Variants in SNX13 observed in about 807,000 individuals in gnomAD.
SNX13 encodes sorting nexin-13.
A neutral mutation model predicts 133.6 loss-of-function variants in SNX13; 45 were observed. That is an observed-to-expected ratio of 0.34 (90% CI 0.27 to 0.43). The LOEUF (loss-of-function observed/expected upper bound fraction) is 0.43, where lower values mean the gene tolerates loss of function less well. SNX13 is among the 20% of genes least tolerant of loss of function. SNX13 has a pLI of 1.00. For synonymous variants in SNX13, 414 were observed against 373.9 expected (o/e 1.11, Z -1.24); for missense variants, 1,032 against 1,145.1 (o/e 0.90, Z 1.43).
At chr7:17,932,441 T>G (rs80198139) in intron 1 of SNX13, among the ~76,000 whole-genome samples, 1 of 152,224 alleles carries the variant, frequency 6.6e-6, no homozygotes, top group Non-Finnish European at 1.5e-5. Context: ...GGGTAATTAA[T>G]ATGATGGTTT....
intron 9 of SNX13, among the ~76,000 whole-genome samples, chr7:17,858,704 T>C (rs1034970255): frequency 6.6e-6 from 1 of 152,116 alleles, no homozygotes; most frequent in Non-Finnish European, 1.5e-5. Flanking sequence ...ACTCATACTG[T>C]CCCATTTCAA....
chr7:17,936,187 T>C (rs1039345395), intron 1 of SNX13, among the ~76,000 whole-genome samples: 3 of 152,226 alleles, frequency 2.0e-5, no homozygotes, highest in Non-Finnish European at 2.9e-5. Context: ...AAACTAACTA[T>C]GTTAAGTCAT....
intron 9 of SNX13, among the ~76,000 whole-genome samples, chr7:17,864,821 G>A (rs1336887158): frequency 8.4e-6 from 1 of 118,358 alleles, no homozygotes; most frequent in African/African-American, 3.5e-5. Context: ...AGGGAAGGAG[G>A]AAGAGGAAGA....
intron 20 of SNX13, 40 bp downstream of exon 20, chr7:17,814,794 G>A (rs1237909685): frequency 5.7e-6 from 8 of 1,407,184 alleles, no homozygotes; most frequent in Non-Finnish European, 7.5e-6. Context: ...TAAGAAAACA[G>A]ACCTAGAAAG....
chr7:17,874,546 C>A (rs1373975638), intron 7 of SNX13, among the ~76,000 whole-genome samples: 2 of 151,608 alleles, frequency 1.3e-5, no homozygotes, highest in African/African-American at 2.4e-5. Context: ...CTGAATTATA[C>A]AATAAACATA....
At chr7:17,836,054 T>G (rs759358557) in intron 13 of SNX13, among the ~76,000 whole-genome samples, 1 of 151,972 alleles carries the variant, frequency 6.6e-6, no homozygotes, top group African/African-American at 2.4e-5. Context: ...AAGGGTGAAT[T>G]TGAAACATCA....
intron 5 of SNX13, chr7:17,888,810 G>A: frequency 4.4e-6 from 2 of 458,262 alleles, no homozygotes; most frequent in Non-Finnish European, 8.9e-6. Context: ...ACAGAACAGG[G>A]CAGTTATTAT....
intron 5 of SNX13, among the ~76,000 whole-genome samples, chr7:17,886,899 C>T (rs1796060737): frequency 6.6e-6 from 1 of 151,208 alleles, no homozygotes; most frequent in Non-Finnish European, 1.5e-5. Flanking sequence ...CTCTCAATAC[C>T]ACAGAAATGA....
chr7:17,862,517 T>A (rs1372116992), intron 9 of SNX13, among the ~76,000 whole-genome samples: 1 of 152,224 alleles, frequency 6.6e-6, no homozygotes, highest in Non-Finnish European at 1.5e-5. Context: ...CAGTCATTAA[T>A]AAGTATATTT....
chr7:17,813,954 C>CTAAA (rs1019816230), intron 20 of SNX13, among the ~76,000 whole-genome samples: 1 of 151,964 alleles, frequency 6.6e-6, no homozygotes, highest in Admixed American at 6.6e-5. Context: ...AAAAGATGGT[C>CTAAA]TTTTTAGGGG....
chr7:17,834,200 C>T lies in SNX13; in HGVS notation c.1465-16G>A. The T allele has an allele frequency of 6.5e-7, 1 of 1,538,452 alleles. No homozygotes were observed. Among genetic ancestry groups the T allele is most frequent in the Non-Finnish European group, 8.8e-7 (1 of 1,135,224 alleles). ...ATTCATATACCTTGGTGAAATAAAT[C>T]AAGATATTCAACAATTAATACAGGT... On this transcript the variant is annotated splice_polypyrimidine_tract_variant and intron_variant, in intron 14 of 25. Coordinates refer to ENST00000428135, the MANE Select transcript of SNX13 (RefSeq NM_015132.5).
Position 17,830,034 on chromosome 7 carries a change from C to T in SNX13, c.1611G>A (p.Gly537=). The change falls in exon 16 of 26, where the codon GGG becomes GGA. Residue 537 remains glycine (G), a synonymous_variant. Coordinates refer to ENST00000428135, the MANE Select transcript of SNX13 (RefSeq NM_015132.5). Reference sequence around the variant, plus strand: ...CCAAATTTATGCTTCCTGTAGGAGACCCATTAAAAGATTCTGCAGGGGGGA... The same window carrying T: ...CCAAATTTATGCTTCCTGTAGGAGATCCATTAAAAGATTCTGCAGGGGGGA... ...SDDGDGESFN[G]SPTGSINLSL... 6.5e-7 allele frequency: 1 copy of T among 1,533,720 alleles called. No homozygotes were observed. The highest frequency in any genetic ancestry group is 1.2e-5 in the South Asian group (1 of 81,586).
chr7:17,811,897 AAGGATTTT>A (rs1786077483), intron 20 of SNX13, among the ~76,000 whole-genome samples: 1 of 152,180 alleles, frequency 6.6e-6, no homozygotes, highest in African/African-American at 2.4e-5. Flanking sequence ...GCAATAGGGA[AAGGATTTT>A]CTATTTAATA....
At chr7:17,807,439 G>A (rs1160846936) in intron 20 of SNX13, among the ~76,000 whole-genome samples, 2 of 152,174 alleles carry the variant, frequency 1.3e-5, no homozygotes, top group African/African-American at 4.8e-5. Flanking sequence ...CCTCCTCTGG[G>A]CAGGAAAGAA....
intron 1 of SNX13, among the ~76,000 whole-genome samples, chr7:17,920,887 C>G (rs572249731): frequency 2.6e-5 from 4 of 152,080 alleles, no homozygotes; most frequent in African/African-American, 9.7e-5. Context: ...TTAAAGTGTT[C>G]CTGAAAAGTA....
At chr7:17,873,964 C>G (rs1794405438) in intron 7 of SNX13, among the ~76,000 whole-genome samples, 1 of 152,130 alleles carries the variant, frequency 6.6e-6, no homozygotes, top group African/African-American at 2.4e-5. Flanking sequence ...AAAAGTTATT[C>G]ACACATATAA....
intron 2 of SNX13, 83 bp downstream of exon 2, chr7:17,897,251 C>A (rs1373546617): frequency 5.8e-6 from 4 of 691,658 alleles, no homozygotes; most frequent in African/African-American, 1.9e-5. Context: ...ACAAATAAAT[C>A]ATACTCCCGT....
At chr7:17,938,910 T>A (rs567460023) in intron 1 of SNX13, among the ~76,000 whole-genome samples, 2 of 152,348 alleles carry the variant, frequency 1.3e-5, no homozygotes, top group East Asian at 3.9e-4. Context: ...TTTTTTCTAA[T>A]CTATTACTGC....
At chr7:17,821,677 A>G (rs764898628) in intron 17 of SNX13, 29 bp from the exon 18 acceptor site, 2 of 1,580,302 alleles carry the variant, frequency 1.3e-6, no homozygotes, top group South Asian at 1.2e-5. Flanking sequence ...CATAGTCAGC[A>G]TATACTAATC....
Sources: gnomAD v4.1 joint callset for allele counts (sites outside exome capture counted in the v4.1 genomes callset) on GRCh38, gnomAD v4.1.1 for gene constraint, MANE v1.5 for transcripts, NCBI Gene and HGNC (gene_info 2026-07-23, HGNC 2026-07-21) for gene names.